IL1RAPL2: variants seen among roughly 807,000 people sequenced by gnomAD.
The protein encoded by IL1RAPL2 is interleukin 1 receptor accessory protein like 2.
IL1RAPL2 carries 3 observed loss-of-function variants against 44.1 expected under a neutral mutation model. The ratio of observed to expected loss-of-function variants is 0.07; its 90% CI spans 0.03 to 0.18. IL1RAPL2 has a LOEUF of 0.18. IL1RAPL2 is among the 10% of genes least tolerant of loss of function. The probability of loss-of-function intolerance (pLI) is 1.00; values close to 1 mark genes in which losing one functional copy is unlikely to be tolerated. For missense variants in IL1RAPL2, 391 were observed against 496.4 expected (o/e 0.79, Z 2.02); for synonymous variants, 181 against 178.8 (o/e 1.01, Z -0.10).
chrX:105,056,210 GTCT>G (rs2031991247), intron 2 of IL1RAPL2, among the ~76,000 whole-genome samples: 1 of 111,579 alleles, frequency 9.0e-6, no homozygotes, highest in Non-Finnish European at 1.9e-5. Flanking sequence ...TATACTGGAA[GTCT>G]TCTTTGTGCT....
At chrX:105,455,879 G>T (rs1338969324) in intron 5 of IL1RAPL2, among the ~76,000 whole-genome samples, 1 of 112,055 alleles carries the variant, frequency 8.9e-6, no homozygotes, top group Non-Finnish European at 1.9e-5. Flanking sequence ...TAATTTAATA[G>T]AAATAGCACT....
At chrX:105,206,061 G>A (rs2033761331) in intron 3 of IL1RAPL2, among the ~76,000 whole-genome samples, 1 of 110,917 alleles carries the variant, frequency 9.0e-6, no homozygotes, top group Non-Finnish European at 1.9e-5. Flanking sequence ...AATAAAGGAT[G>A]ACTCCTGTTG....
intron 6 of IL1RAPL2, among the ~76,000 whole-genome samples, chrX:105,712,441 T>C (rs988918175): frequency 1.8e-5 from 2 of 110,672 alleles, no homozygotes; most frequent in Non-Finnish European, 3.8e-5. Flanking sequence ...TGAGACTGGG[T>C]AATTTATAAT....
chrX:105,194,323 CAT>C (rs782360521), intron 2 of IL1RAPL2, among the ~76,000 whole-genome samples: 2 of 112,163 alleles, frequency 1.8e-5, no homozygotes, highest in South Asian at 3.7e-4. Flanking sequence ...ATAAGTGAAA[CAT>C]ATAATTTTAA....
chrX:104,674,267 C>A (rs972109394), intron 2 of IL1RAPL2, among the ~76,000 whole-genome samples: 1 of 111,541 alleles, frequency 9.0e-6, no homozygotes, highest in Non-Finnish European at 1.9e-5. Flanking sequence ...TTTTGAAATA[C>A]GTCCCATCAT....
chrX:105,036,844 A>G (rs1273914023), intron 2 of IL1RAPL2, among the ~76,000 whole-genome samples: 1 of 112,162 alleles, frequency 8.9e-6, no homozygotes, highest in East Asian at 2.8e-4. Context: ...ATAATAATAT[A>G]CAATACAAAG....
chrX:105,399,632 A>G (rs1440984388), intron 5 of IL1RAPL2, among the ~76,000 whole-genome samples: 4 of 111,449 alleles, frequency 3.6e-5, no homozygotes, highest in Admixed American at 9.6e-5. Context: ...TGAATGTATG[A>G]TGCTCCAATA....
intron 5 of IL1RAPL2, among the ~76,000 whole-genome samples, chrX:105,372,237 A>G (rs1479115663): frequency 2.7e-5 from 3 of 110,032 alleles, no homozygotes; most frequent in Non-Finnish European, 5.7e-5. Flanking sequence ...GGAGTTTGGG[A>G]CCAGCCTGGC....
chrX:104,616,224 G>GT (rs1181405598), intron 1 of IL1RAPL2, among the ~76,000 whole-genome samples: 2 of 111,790 alleles, frequency 1.8e-5, no homozygotes, highest in African/African-American at 3.3e-5. Flanking sequence ...GTTTTGTTTT[G>GT]TTTTTGCTGT....
Position 104,597,726 on chromosome X carries a change from T to A in IL1RAPL2, c.-20+30675T>A, listed in dbSNP as rs1343295986. ...TCCCCTAAAGAAGAAGAATAAGAGT[T>A]TGGGATGACTTTGAAGTTTCTAGCT... On this transcript the variant is annotated intron_variant, in intron 1 of 10. Coordinates refer to ENST00000372582, the MANE Select transcript of IL1RAPL2 (RefSeq NM_017416.2). Among the ~76,000 whole-genome samples, 17 of 109,550 alleles carry A rather than the reference T, an allele frequency of 1.6e-4. 1 individual carries two copies. Among genetic ancestry groups the A allele is most frequent in the Non-Finnish European group, 1.9e-5 (1 of 52,666 alleles).
rs1932842841 is a variant in IL1RAPL2, at chrX:104,795,068, T to G, written c.82+136073T>G. ...ACCAGTCTTTCCAAATAAACCTACC[T>G]CATAGGAAAGTATAAAGTGGTTTAC... is the stretch of plus-strand genomic sequence containing the variant. On this transcript the variant is annotated intron_variant, in intron 2 of 10. Coordinates refer to ENST00000372582, the MANE Select transcript of IL1RAPL2 (RefSeq NM_017416.2). Among the ~76,000 whole-genome samples the G allele has an allele frequency of 2.7e-5, 3 of 111,612 alleles. 1 individual carries two copies. In the Admixed American group the frequency reaches 2.9e-4, roughly 11 times the overall value.
chrX:105,344,799 C>A (rs1300449666), intron 5 of IL1RAPL2, among the ~76,000 whole-genome samples: 1 of 111,585 alleles, frequency 9.0e-6, no homozygotes, highest in Non-Finnish European at 1.9e-5. Context: ...TGGTTATATG[C>A]CATAAATAGC....
intron 7 of IL1RAPL2, among the ~76,000 whole-genome samples, chrX:105,729,721 GT>G (rs2038384396): frequency 9.1e-6 from 1 of 109,378 alleles, no homozygotes; most frequent in Admixed American, 9.8e-5. Context: ...CTTATCAATT[GT>G]TTTTTTCATG....
chrX:105,111,192 T>TA (rs1307803185), intron 2 of IL1RAPL2, among the ~76,000 whole-genome samples: 3 of 110,255 alleles, frequency 2.7e-5, no homozygotes, highest in Non-Finnish European at 5.7e-5. Flanking sequence ...TTGCAGGAAT[T>TA]AAAAAAAAAG....
intron 2 of IL1RAPL2, among the ~76,000 whole-genome samples, chrX:105,139,267 CTTGT>C (rs1465775971): frequency 2.7e-5 from 3 of 111,532 alleles, no homozygotes; most frequent in South Asian, 3.8e-4. Flanking sequence ...GTTGTCACTG[CTTGT>C]TTGTTTTTTT....
intron 6 of IL1RAPL2, among the ~76,000 whole-genome samples, chrX:105,531,649 A>G (rs2036637021): frequency 9.0e-6 from 1 of 111,333 alleles, no homozygotes; most frequent in Admixed American, 9.6e-5. Flanking sequence ...TGTCCTGGTG[A>G]TTTTTCCCAA....
At chrX:105,504,122 A>G (rs2041229619) in intron 6 of IL1RAPL2, among the ~76,000 whole-genome samples, 1 of 111,975 alleles carries the variant, frequency 8.9e-6, no homozygotes, top group Admixed American at 9.5e-5. Context: ...TAAAACCTTC[A>G]GTCTCAAAAT....
intron 2 of IL1RAPL2, among the ~76,000 whole-genome samples, chrX:104,743,444 G>A (rs1932127307): frequency 9.1e-6 from 1 of 109,536 alleles, no homozygotes; most frequent in African/African-American, 3.3e-5. Flanking sequence ...CCACAGTAGA[G>A]TAATGGAGGG....
At chrX:104,883,069 CT>C (rs922599810) in intron 2 of IL1RAPL2, among the ~76,000 whole-genome samples, 1 of 111,677 alleles carries the variant, frequency 9.0e-6, no homozygotes, top group African/African-American at 3.3e-5. Flanking sequence ...GTAACACTCA[CT>C]GTGAGGGTCC....
Sources: allele counts gnomAD v4.1 joint callset (sites outside exome capture counted in the v4.1 genomes callset), GRCh38; gene constraint gnomAD v4.1.1; transcripts MANE v1.5; gene names NCBI Gene and HGNC (gene_info 2026-07-23, HGNC 2026-07-21).